ATP1B3: variants seen among roughly 807,000 people sequenced by gnomAD.
The protein encoded by ATP1B3 is sodium/potassium-transporting ATPase subunit beta-3.
ATP1B3 carries 10 observed loss-of-function variants against 30.2 expected under a neutral mutation model. The observed-to-expected ratio is 0.33, with a 90% CI of 0.20 to 0.56. ATP1B3 has a LOEUF of 0.56. Among genes scored for constraint, ATP1B3 ranks in the 20% least tolerant of loss-of-function variants. The pLI, the probability that ATP1B3 is intolerant of heterozygous loss-of-function variation, is 0.90. For synonymous variants in ATP1B3, 113 were observed against 117.0 expected (o/e 0.97, Z 0.22); for missense variants, 238 against 336.7 (o/e 0.71, Z 2.29).
rs1290669744 is a variant in ATP1B3, at chr3:141,913,819, C to G, written c.514C>G (p.Leu172Val). Residue 172 changes from leucine to valine, a missense_variant, in exon 4 of 7, where the codon CTT (leucine) becomes GTT (valine). Transcript: ENST00000286371. The stretch of plus-strand genomic sequence containing the variant: ...CTATTCTCAAGGAAACCCTTGTATT[C>G]TTGTGAAAATGAACAGAGTACGTAC... ...FGYSQGNPCI[L>V]VKMNRIIGLK... 1 of 1,612,356 alleles carries G rather than the reference C, an allele frequency of 6.2e-7. No individual in the cohort carries two copies. The highest frequency in any genetic ancestry group is 1.3e-5 in the African/African-American group (1 of 74,934).
At chr3:141,889,830 C>CATATATAT (rs71153925) in intron 1 of ATP1B3, among the ~76,000 whole-genome samples, 1 of 137,468 alleles carries the variant, frequency 7.3e-6, no homozygotes, top group African/African-American at 2.7e-5. Flanking sequence ...TATACATATA[C>CATATATAT]ATATATATAT....
chr3:141,881,339 A>T (rs1042321009), intron 1 of ATP1B3, among the ~76,000 whole-genome samples: 12 of 152,174 alleles, frequency 7.9e-5, no homozygotes, highest in African/African-American at 2.9e-4. Flanking sequence ...TATTAATATT[A>T]ACTTAAAACT....
intron 2 of ATP1B3, among the ~76,000 whole-genome samples, chr3:141,905,451 A>G (rs890728087): frequency 6.6e-6 from 1 of 152,234 alleles, no homozygotes; most frequent in Non-Finnish European, 1.5e-5. Flanking sequence ...TAATGCTGAG[A>G]TGGAAGTGCC....
intron 1 of ATP1B3, among the ~76,000 whole-genome samples, chr3:141,895,188 C>A (rs1003317695): frequency 5.8e-5 from 7 of 121,436 alleles, no homozygotes; most frequent in Admixed American, 1.7e-4. Context: ...TCTTTCTTTT[C>A]TTTTTTTTTT....
chr3:141,922,040 C>A lies in ATP1B3; in HGVS notation c.646C>A (p.Pro216Thr). Residue 216 changes from proline (P) to threonine (T), a missense_variant, in exon 6 of 7, where the codon CCA becomes ACA. Around this residue, in one of 3 missense-constraint regions of ATP1B3, gnomAD observed 58 missense variants for 125.6 expected, o/e 0.46. Coordinates refer to ENST00000286371, the MANE Select transcript of ATP1B3 (RefSeq NM_001679.4). The part of the protein sequence containing the change: ...HNGMIDLKYF[P>T]YYGKKLHVGY... Reference sequence around the variant, plus strand: ...TGGAATGATAGACTTAAAATATTTCCCATATTATGGGAAAAAACTGCATGT... The same window carrying A: ...TGGAATGATAGACTTAAAATATTTCACATATTATGGGAAAAAACTGCATGT... 1 of 1,539,410 alleles carries A rather than the reference C, an allele frequency of 6.5e-7. No homozygotes were observed. Among genetic ancestry groups the A allele is most frequent in the Non-Finnish European group, 8.9e-7 (1 of 1,129,402 alleles).
chr3:141,886,354 T>C (rs561328661), intron 1 of ATP1B3, among the ~76,000 whole-genome samples: 1 of 152,334 alleles, frequency 6.6e-6, no homozygotes, highest in East Asian at 1.9e-4. Flanking sequence ...CAGACCTAGC[T>C]TCAGTGCTGG....
Position 141,925,814 on chromosome 3 carries a change from C to T in ATP1B3, c.*113C>T. ...CCACCTTGGAGAAAGGTGTGTGGTACATGACATTGGGTTACATCATAACGT... is the reference window on the plus strand; with the variant it reads ...CCACCTTGGAGAAAGGTGTGTGGTATATGACATTGGGTTACATCATAACGT... On this transcript the variant is annotated 3_prime_UTR_variant, in exon 7 of 7. Transcript: ENST00000286371. 2.3e-6 allele frequency: 3 copies of T among 1,307,116 alleles called. No individual in the cohort carries two copies. In the South Asian group the frequency reaches 4.2e-5, roughly 18 times the overall value. The allele number at this position is 1,307,116 out of a possible 1,614,324, so 81.0% of individuals were successfully genotyped here.
At chr3:141,920,085 T>G (rs979060073) in intron 5 of ATP1B3, among the ~76,000 whole-genome samples, 15 of 152,202 alleles carry the variant, frequency 9.9e-5, no homozygotes, top group African/African-American at 3.6e-4. Context: ...ATTAAAAGAT[T>G]AAGAAAAATC....
At chr3:141,920,451 C>G (rs531232269) in intron 5 of ATP1B3, among the ~76,000 whole-genome samples, 141 of 151,802 alleles carry the variant, frequency 9.3e-4, no homozygotes, top group Admixed American at 5.1e-3. Context: ...CGCTTGAACC[C>G]GGGAGGAGGA....
chr3:141,925,573 G>A lies in ATP1B3; in HGVS notation c.712G>A (p.Ala238Thr). ...ATTGGTTGCTGTTCAGGTCAGCTTT[G>A]CTCCTAACAACACTGGGAAAGAAGT... ...QPLVAVQVSF[A>T]PNNTGKEVTV... Residue 238 changes from alanine to threonine, a missense_variant, in exon 7 of 7, where the codon GCT (alanine) becomes ACT (threonine). Transcript: ENST00000286371. The A allele has an allele frequency of 6.2e-7, 1 of 1,613,680 alleles. No homozygotes were observed. The highest frequency in any genetic ancestry group is 8.5e-7 in the Non-Finnish European group (1 of 1,179,778).
chr3:141,919,895 C>T (rs1373389644), intron 5 of ATP1B3, among the ~76,000 whole-genome samples: 6 of 151,888 alleles, frequency 4.0e-5, no homozygotes, highest in South Asian at 2.1e-4. Context: ...GCCATGATCG[C>T]GCCACTCCAC....
chr3:141,879,211 C>T (rs1042761631), intron 1 of ATP1B3, among the ~76,000 whole-genome samples: 9 of 152,060 alleles, frequency 5.9e-5, no homozygotes, highest in Non-Finnish European at 1.3e-4. Flanking sequence ...ATATTGTGGG[C>T]ATCTTTCCAT....
intron 1 of ATP1B3, among the ~76,000 whole-genome samples, chr3:141,881,100 G>A (rs975483620): frequency 6.6e-6 from 1 of 151,966 alleles, no homozygotes; most frequent in Non-Finnish European, 1.5e-5. Context: ...CTACTCTGGA[G>A]GCTGAGGCAG....
At chr3:141,919,309 G>A (rs1331496141) in intron 5 of ATP1B3, among the ~76,000 whole-genome samples, 2 of 150,626 alleles carry the variant, frequency 1.3e-5, no homozygotes, top group African/African-American at 4.9e-5. Context: ...ATAGAGACAG[G>A]GTGTCACCAT....
At chr3:141,913,948 C>A (rs1934411646) in intron 4 of ATP1B3, 112 bp downstream of exon 4, 8 of 1,025,886 alleles carry the variant, frequency 7.8e-6, no homozygotes, top group Non-Finnish European at 1.1e-5. Context: ...TAAAAGTTAT[C>A]ATTTGGGGGG....
intron 1 of ATP1B3, among the ~76,000 whole-genome samples, chr3:141,883,586 G>A (rs1933775186): frequency 6.6e-6 from 1 of 152,094 alleles, no homozygotes; most frequent in African/African-American, 2.4e-5. Flanking sequence ...TTTATATATT[G>A]TTGTCATTGC....
In ATP1B3 at chr3:141,876,673, G is replaced by C. The variant is rs1933594327; in HGVS notation, c.-129G>C. ...GCTCGAGTACTCCCCGTAACGAGGA[G>C]GTGTTCTCGGCCGTCCCACCCTTCA... On this transcript the variant is annotated 5_prime_UTR_variant, in exon 1 of 7. Coordinates refer to ENST00000286371, the MANE Select transcript of ATP1B3 (RefSeq NM_001679.4). 1 of 598,118 alleles carries C rather than the reference G, an allele frequency of 1.7e-6. No homozygotes were observed. The highest frequency in any genetic ancestry group is 2.8e-6 in the Non-Finnish European group (1 of 352,962). The allele number at this position is 598,118 out of a possible 1,614,324, so 37.1% of individuals were successfully genotyped here. A position where few individuals can be genotyped will look rare whatever the true frequency, so the allele number is the denominator to read the frequency against.
At chr3:141,895,920 G>A (rs894877350) in intron 1 of ATP1B3, among the ~76,000 whole-genome samples, 1 of 152,094 alleles carries the variant, frequency 6.6e-6, no homozygotes, top group African/African-American at 2.4e-5. Context: ...CATTCTGGTG[G>A]GTATGTAGTG....
Position 141,920,418 on chromosome 3 carries a change from T to A in ATP1B3, c.583-1559T>A, listed in dbSNP as rs376920911. Among the ~76,000 whole-genome samples, 47 of 152,080 alleles carry A rather than the reference T, an allele frequency of 3.1e-4. No individual in the cohort carries two copies. The East Asian group carries it at 7.7e-3, about 25-fold the overall frequency. The stretch of plus-strand genomic sequence containing the variant: ...GGCGCACACTTGTAATCCCAGCTAT[T>A]CAGGAGGCTGAGACAGGAGAATCGC... On this transcript the variant is annotated intron_variant, in intron 5 of 6. Coordinates refer to ENST00000286371, the MANE Select transcript of ATP1B3 (RefSeq NM_001679.4).
Sources: allele counts gnomAD v4.1 joint callset (sites outside exome capture counted in the v4.1 genomes callset), GRCh38; gene constraint gnomAD v4.1.1; regional missense constraint gnomAD v4.1.1; transcripts MANE v1.5; gene names NCBI Gene and HGNC (gene_info 2026-07-23, HGNC 2026-07-21).